FNBP4: variants seen among roughly 807,000 people sequenced by gnomAD.
FNBP4 encodes formin-binding protein 4.
In FNBP4, 34 loss-of-function variants were observed where a neutral mutation model predicts 119.3. The ratio of observed to expected loss-of-function variants is 0.28; its 90% confidence interval spans 0.22 to 0.38. The LOEUF is 0.38. FNBP4 is among the 10% of genes least tolerant of loss of function. The pLI is 1.00. For missense variants in FNBP4, 1,112 were observed against 1,228.9 expected (o/e 0.90, Z 1.42); for synonymous variants, 462 against 430.6 (o/e 1.07, Z -0.90).
rs140220404 is a variant in FNBP4 at position 47,719,073 on chromosome 11, A to G, written c.2963+856T>C. Among the ~76,000 whole-genome samples the G allele has an allele frequency of 6.2e-3, 940 of 152,252 alleles. 12 individuals are homozygous for G. Among genetic ancestry groups the G allele is most frequent in the African/African-American group, 0.022 (904 of 41,538 alleles). On this transcript the variant is annotated intron_variant, in intron 16 of 16. Transcript: ENST00000263773. ...GCCCAGCTAATTTTGTATTTTTAGT[A>G]GAGATGGGGTTTCACCATGTTGGCC...
chr11:47,752,876 G>A (rs749484477), intron 4 of FNBP4, 40 bp downstream of exon 4: 30 of 1,541,966 alleles, frequency 1.9e-5, no homozygotes, highest in Non-Finnish European at 2.3e-5. Context: ...ATCCCTTTAA[G>A]GATTTTACTT....
chr11:47,738,819 T>C lies in FNBP4; in HGVS notation c.1457-2079A>G, dbSNP rs1369098592. ...CCTCAGCCTTCCAAGTAGCTGGGGC[T>C]TCAGGTGTTTGCCACCATGCCCAGG... On this transcript the variant is annotated intron_variant, in intron 8 of 16. Transcript: ENST00000263773. Among the ~76,000 whole-genome samples the C allele has an allele frequency of 4.7e-5, 7 of 149,732 alleles. No individual in the cohort carries two copies. In the East Asian group the frequency reaches 9.9e-4, roughly 21 times the overall value.
chr11:47,736,744 T>TA lies in FNBP4; in HGVS notation c.1457-5dup, dbSNP rs201280112. The TA allele has an allele frequency of 6.8e-4, 1,087 of 1,589,582 alleles. 5 individuals carry two copies. The African/African-American group carries it at 0.012, about 18-fold the overall frequency. On this transcript the variant is annotated splice_polypyrimidine_tract_variant and splice_region_variant and intron_variant, in intron 8 of 16. Transcript: ENST00000263773. ...TCTGAATTTTCAGCACCAATTGCTG[T>TA]AAAAAAAACATGTAAAATTAAACCA...
At position 47,753,084 on chromosome 11, in the gene FNBP4, C is replaced by A; in HGVS notation, c.469G>T (p.Ala157Ser). 1 of 1,612,202 alleles carries A rather than the reference C, an allele frequency of 6.2e-7. No homozygotes were observed. Among genetic ancestry groups the A allele is most frequent in the Non-Finnish European group, 8.5e-7 (1 of 1,179,446 alleles). ...NFLAEIDAIT[A>S]PQPAAPVGAS... ...CCTACAGGAGCTGCAGGCTGAGGAG[C>A]TGTTATGGCATCGATCTCCTTCAGT... Residue 157 changes from alanine to serine, a missense_variant, in exon 4 of 17, where the codon GCT becomes TCT. Coordinates refer to ENST00000263773, the MANE Select transcript of FNBP4 (RefSeq NM_015308.5).
chr11:47,766,831 T>G (rs1412591211), intron 1 of FNBP4, among the ~76,000 whole-genome samples: 1 of 151,512 alleles, frequency 6.6e-6, no homozygotes, highest in Non-Finnish European at 1.5e-5. Context: ...TTTCAAACGT[T>G]CCCGGGGCAA....
In FNBP4 at chr11:47,767,317, C is replaced by G. The variant is rs1227996094; in HGVS notation, c.-29G>C. On this transcript the variant is annotated 5_prime_UTR_variant, in exon 1 of 17. Coordinates refer to ENST00000263773, the MANE Select transcript of FNBP4 (RefSeq NM_015308.5). ...GAGCCCAAGCGCGAGCAGAGAGCGT[C>G]GGGCGGCCGAGAGGGGCGGGCACTG... 2.0e-5 allele frequency: 29 copies of G among 1,454,884 alleles called. No homozygotes were observed. Among genetic ancestry groups the G allele is most frequent in the Non-Finnish European group, 2.5e-5 (28 of 1,110,146 alleles). The allele number at this position is 1,454,884 out of a possible 1,614,324, so 90.1% of individuals were successfully genotyped here.
intron 6 of FNBP4, 72 bp downstream of exon 6, chr11:47,750,844 T>C: frequency 2.0e-6 from 3 of 1,490,692 alleles, no homozygotes; most frequent in Non-Finnish European, 2.7e-6. Context: ...AAGAGAAGGC[T>C]TCCACTCCTG....
At chr11:47,763,445 G>C (rs893142017) in intron 2 of FNBP4, among the ~76,000 whole-genome samples, 1 of 145,646 alleles carries the variant, frequency 6.9e-6, no homozygotes, top group African/African-American at 2.5e-5. Flanking sequence ...AAAAAGATTT[G>C]TTGCTACTTA....
intron 7 of FNBP4, among the ~76,000 whole-genome samples, chr11:47,744,813 T>G (rs1364233512): frequency 1.3e-5 from 2 of 152,190 alleles, no homozygotes. Context: ...TATCAAATAG[T>G]AGGTCTTATT....
rs1479125829 is a variant in FNBP4, at chr11:47,724,516, T to C, written c.2271A>G (p.Glu757=). The change falls in exon 13 of 17, where the codon GAA becomes GAG. Residue 757 remains glutamate (E), a synonymous_variant. Transcript: ENST00000263773. ...GTGCTGAAGGTTTCAAAGGGGTATC[T>C]TCCTCTGTTCCTGGGGCAGGGGGCT... ...SEEPPAPGTE[E]DTPLKPSAQT... The C allele has an allele frequency of 1.2e-6, 2 of 1,614,138 alleles. No individual in the cohort carries two copies. Among genetic ancestry groups the C allele is most frequent in the Non-Finnish European group, 1.7e-6 (2 of 1,180,058 alleles).
In FNBP4 at chr11:47,724,078, G is replaced by C. The variant is rs1234411463; in HGVS notation, c.2414C>G (p.Ala805Gly). 1 of 1,614,044 alleles carries C rather than the reference G, an allele frequency of 6.2e-7. No homozygotes were observed. Among genetic ancestry groups the C allele is most frequent in the Non-Finnish European group, 8.5e-7 (1 of 1,180,016 alleles). Residue 805 changes from alanine to glycine, a missense_variant, in exon 14 of 17, where the codon GCT (alanine) becomes GGT (glycine). Coordinates refer to ENST00000263773, the MANE Select transcript of FNBP4 (RefSeq NM_015308.5). ...GAGAACTGGAGAACTGCCAATGGTA[G>C]CTGACCTCTGAACCACTGCAGTGCT... is the stretch of plus-strand genomic sequence containing the variant. ...EISTAVVQRS[A>G]TIGSSPVLYS...
At chr11:47,748,585 G>T (rs2097595535) in intron 6 of FNBP4, among the ~76,000 whole-genome samples, 1 of 151,700 alleles carries the variant, frequency 6.6e-6, no homozygotes, top group Non-Finnish European at 1.5e-5. Context: ...ATGTTTTCCA[G>T]GCTGGTTTAG....
intron 2 of FNBP4, among the ~76,000 whole-genome samples, chr11:47,761,019 C>G (rs532786367): frequency 6.6e-6 from 1 of 152,252 alleles, no homozygotes; most frequent in Admixed American, 6.5e-5. Flanking sequence ...CAACTAAAAT[C>G]TGTAAACACT....
At chr11:47,737,232 T>G (rs565516267) in intron 8 of FNBP4, among the ~76,000 whole-genome samples, 108 of 152,212 alleles carry the variant, frequency 7.1e-4, no homozygotes, top group Middle Eastern at 3.4e-3. Flanking sequence ...ATAATCAACT[T>G]TCTTAAAATA....
At chr11:47,760,416 T>C (rs2097631328) in intron 2 of FNBP4, among the ~76,000 whole-genome samples, 1 of 149,700 alleles carries the variant, frequency 6.7e-6, no homozygotes, top group Non-Finnish European at 1.5e-5. Context: ...TGCGTGCCAA[T>C]GTAATTTTTG....
At position 47,751,157 on chromosome 11, in the gene FNBP4, C is replaced by T. The variant is rs1291761501; in HGVS notation, c.771G>A (p.Gln257=). 4.3e-6 allele frequency: 7 copies of T among 1,613,992 alleles called. No individual in the cohort carries two copies. Among genetic ancestry groups the T allele is most frequent in the East Asian group, 2.2e-5 (1 of 44,894 alleles). The stretch of plus-strand genomic sequence containing the variant: ...TTTATTCTTACCTGGGCTGGTAATG[C>T]TGTAATCCCTGTACCTGTGTGGCAA... ...QYLATQVQGL[Q]HYQPSSVPGA... The change falls in exon 5 of 17, where the codon CAG becomes CAA. Residue 257 remains glutamine, a synonymous_variant. Transcript: ENST00000263773.
At chr11:47,742,240 A>T (rs955409921) in intron 8 of FNBP4, among the ~76,000 whole-genome samples, 88 of 152,178 alleles carry the variant, frequency 5.8e-4, no homozygotes, top group Non-Finnish European at 4.4e-5. Context: ...CTGCTTTGGG[A>T]GGCCAAGGTG....
chr11:47,764,216 C>T (rs959186882), intron 2 of FNBP4, among the ~76,000 whole-genome samples: 6 of 152,080 alleles, frequency 3.9e-5, no homozygotes, highest in Non-Finnish European at 7.4e-5. Flanking sequence ...TGAGTAGCTG[C>T]GATTATAGGT....
intron 12 of FNBP4, among the ~76,000 whole-genome samples, chr11:47,727,194 T>C (rs1382245801): frequency 2.0e-5 from 3 of 151,972 alleles, no homozygotes; most frequent in Admixed American, 6.6e-5. Flanking sequence ...CTAGACTTGA[T>C]AAAATTAGCC....
Sources: gnomAD v4.1 joint callset for allele counts (sites outside exome capture counted in the v4.1 genomes callset) on GRCh38, gnomAD v4.1.1 for gene constraint, MANE v1.5 for transcripts, NCBI Gene and HGNC (gene_info 2026-07-23, HGNC 2026-07-21) for gene names.